The following GPATCH11 variants were observed in gnomAD, a reference collection of about 807,000 sequenced individuals.
GPATCH11 encodes G patch domain-containing protein 11.
GPATCH11 carries 32 observed loss-of-function variants against 44.8 expected under a neutral mutation model. The observed-to-expected ratio is 0.71, with a 90% CI of 0.54 to 0.96. The LOEUF (loss-of-function observed/expected upper bound fraction) is 0.96, where lower values mean the gene tolerates loss of function less well. GPATCH11 is among the 40% of genes least tolerant of loss of function. The pLI, the probability that GPATCH11 is intolerant of heterozygous loss-of-function variation, is 0.00. For missense variants in GPATCH11, 324 were observed against 303.1 expected (o/e 1.07, Z -0.51); for synonymous variants, 84 against 94.4 (o/e 0.89, Z 0.64).
chr2:37,093,945 G>A (rs1445021264), intron 6 of GPATCH11, 137 bp from the exon 7 acceptor site: 10 of 605,902 alleles, frequency 1.7e-5, no homozygotes, highest in Admixed American at 7.2e-5. Flanking sequence ...GTGAGCCACC[G>A]TGCCCGGCCA....
rs1322297819 is a variant in GPATCH11, at chr2:37,095,430, C to G, written c.655-7C>G. On this transcript the variant is annotated splice_polypyrimidine_tract_variant and splice_region_variant and intron_variant, in intron 7 of 8. Transcript: ENST00000674370. ...TAAAGTATTAATAATGTGCTTGTAT[C>G]CTATAGGTACTGGAAAAATTACAAA... is the stretch of plus-strand genomic sequence containing the variant. 1.9e-5 allele frequency: 31 copies of G among 1,599,688 alleles called. No individual in the cohort carries two copies. Among genetic ancestry groups the G allele is most frequent in the Non-Finnish European group, 2.6e-5 (31 of 1,174,588 alleles).
intron 7 of GPATCH11, 81 bp from the exon 8 acceptor site, chr2:37,095,356 G>T: frequency 6.7e-7 from 1 of 1,481,488 alleles, no homozygotes; most frequent in Non-Finnish European, 9.0e-7. Context: ...ACAGCCTTGA[G>T]CTAATTCGGC....
intron 5 of GPATCH11, 27 bp downstream of exon 5, chr2:37,092,063 G>T (rs759530316): frequency 1.2e-6 from 2 of 1,611,720 alleles, no homozygotes; most frequent in South Asian, 2.2e-5. Flanking sequence ...GCTGGTTTTG[G>T]TTCTATTTCC....
rs1232184573 is a variant in GPATCH11 at position 37,099,173 on chromosome 2, T to C, written c.*2910T>C. The C allele has an allele frequency of 6.6e-6, 1 of 152,224 alleles. No individual in the cohort carries two copies. Among genetic ancestry groups the C allele is most frequent in the East Asian group, 1.9e-4 (1 of 5,204 alleles). 9.4% of individuals were successfully genotyped at this position (152,224 alleles called of 1,614,324 possible). A position where few individuals can be genotyped will look rare whatever the true frequency, so the allele number is the denominator to read the frequency against. The stretch of plus-strand genomic sequence containing the variant: ...TAATTAAAAATCCAGAATTCTGTAG[T>C]TTCTGAAATTCAAAATAAATACTTT... On this transcript the variant is annotated 3_prime_UTR_variant, in exon 9 of 9. Coordinates refer to ENST00000674370, the MANE Select transcript of GPATCH11 (RefSeq NM_174931.4).
At chr2:37,091,362 C>T (rs1312764175) in intron 4 of GPATCH11, among the ~76,000 whole-genome samples, 1 of 150,946 alleles carries the variant, frequency 6.6e-6, no homozygotes, top group Non-Finnish European at 1.5e-5. Flanking sequence ...AATTTGAGAC[C>T]AGCCTGGGCA....
Position 37,097,865 on chromosome 2 carries a change from C to G in GPATCH11, c.*1602C>G, listed in dbSNP as rs1265531871. The G allele has an allele frequency of 2.0e-5, 3 of 152,184 alleles. No individual in the cohort carries two copies. Among genetic ancestry groups the G allele is most frequent in the African/African-American group, 7.2e-5 (3 of 41,430 alleles). 9.4% of individuals were successfully genotyped at this position (152,184 alleles called of 1,614,324 possible). On this transcript the variant is annotated 3_prime_UTR_variant, in exon 9 of 9. Transcript: ENST00000674370. ...GACTTGGGCATCACTGCCCTTGATTCTAAAATGCAGCCTACCTTGAGCCAC... is the reference window on the plus strand; with the variant it reads ...GACTTGGGCATCACTGCCCTTGATTGTAAAATGCAGCCTACCTTGAGCCAC...
At chr2:37,091,841 T>G (rs1673334877) in intron 4 of GPATCH11, 75 bp from the exon 5 acceptor site, 3 of 1,386,760 alleles carry the variant, frequency 2.2e-6, no homozygotes, top group Non-Finnish European at 3.0e-6. Context: ...TGCATTTAAT[T>G]TGTACATAGT....
At chr2:37,090,128 CAGA>C (rs999110021) in intron 3 of GPATCH11, among the ~76,000 whole-genome samples, 1 of 152,218 alleles carries the variant, frequency 6.6e-6, no homozygotes, top group Admixed American at 6.5e-5. Flanking sequence ...TGGCTTACAA[CAGA>C]AGAAGCAAAG....
rs1346489635 is a variant in GPATCH11, at chr2:37,094,185, A to T, written c.644A>T (p.Glu215Val). The part of the protein sequence containing the change: ...KEQDEDEYKS[E>V]DLSVLEKLQI... ...CAGGATGAAGATGAATATAAGAGTG[A>T]AGATTTAAGCGTATGCTTTGCACCA... is the stretch of plus-strand genomic sequence containing the variant. Residue 215 changes from glutamate (E) to valine (V), a missense_variant, in exon 7 of 9, where the codon GAA becomes GTA. Physicochemically the swap from Glu to Val is moderately radical, Grantham distance 121. Transcript: ENST00000674370. 6.5e-7 allele frequency: 1 copy of T among 1,544,038 alleles called. No homozygotes were observed. The highest frequency in any genetic ancestry group is 8.8e-7 in the Non-Finnish European group (1 of 1,137,468).
At chr2:37,085,157 G>A (rs1672939072) in intron 1 of GPATCH11, among the ~76,000 whole-genome samples, 1 of 152,210 alleles carries the variant, frequency 6.6e-6, no homozygotes, top group Admixed American at 6.5e-5. Flanking sequence ...CCAATAGAAA[G>A]AGAGCTTTAA....
rs1673531506 is a variant in GPATCH11, at chr2:37,095,497, T to G, written c.715T>G (p.Trp239Gly). The G allele has an allele frequency of 1.2e-6, 2 of 1,605,180 alleles. No homozygotes were observed. The highest frequency in any genetic ancestry group is 1.7e-4 in the Middle Eastern group (1 of 6,036). The change falls in exon 8 of 9, where the codon TGG (tryptophan) becomes GGG (glycine). Residue 239 changes from tryptophan (W) to glycine (G), a missense_variant. Coordinates refer to ENST00000674370, the MANE Select transcript of GPATCH11 (RefSeq NM_174931.4). ...YLREEHLYCIWCGTAYEDKED... is the reference protein window; with the variant it reads ...YLREEHLYCIGCGTAYEDKED... ...AAGAGAAGAACATCTATATTGTATT[T>G]GGTGTGGAACAGCCTATGAAGGTAA...
At position 37,096,588 on chromosome 2, in the gene GPATCH11, CAG is replaced by C. The variant is rs1673596224; in HGVS notation, c.*328_*329del. ...AAATTGAGAAATAAGAAATGGGAGT[CAG>C]AGGAAGAGAAAAATATCCACTTTAT... is the stretch of plus-strand genomic sequence containing the variant. On this transcript the variant is annotated 3_prime_UTR_variant, in exon 9 of 9. Coordinates refer to ENST00000674370, the MANE Select transcript of GPATCH11 (RefSeq NM_174931.4). 4.1e-6 allele frequency: 1 copy of C among 244,864 alleles called. No homozygotes were observed. Among genetic ancestry groups the C allele is most frequent in the Admixed American group, 5.7e-5 (1 of 17,398 alleles). 15.2% of individuals were successfully genotyped at this position (244,864 alleles called of 1,614,324 possible).
intron 3 of GPATCH11, 82 bp from the exon 4 acceptor site, chr2:37,090,599 G>T (rs1673268893): frequency 1.4e-6 from 1 of 703,934 alleles, no homozygotes; most frequent in Non-Finnish European, 2.5e-6. Flanking sequence ...CATATGCATA[G>T]AGCATTGTAA....
chr2:37,088,966 C>T (rs1673176452), intron 2 of GPATCH11, among the ~76,000 whole-genome samples: 2 of 152,322 alleles, frequency 1.3e-5, no homozygotes, highest in South Asian at 2.1e-4. Context: ...CTTTTTATTG[C>T]CTTCTTCCAA....
intron 2 of GPATCH11, 108 bp downstream of exon 2, chr2:37,088,548 T>A (rs1167659571): frequency 4.9e-6 from 3 of 610,884 alleles, no homozygotes; most frequent in East Asian, 6.0e-5. Context: ...CAGGGTCTCA[T>A]TCTGTTAGCA....
chr2:37,084,883 C>G (rs1463113703), intron 1 of GPATCH11, among the ~76,000 whole-genome samples: 14 of 152,214 alleles, frequency 9.2e-5, no homozygotes, highest in Admixed American at 9.2e-4. Context: ...AAACCTACTC[C>G]TACAGTCTTC....
At position 37,091,964 on chromosome 2, in the gene GPATCH11, A is replaced by G; in HGVS notation, c.377A>G (p.Glu126Gly). 6.2e-7 allele frequency: 1 copy of G among 1,613,132 alleles called. No individual in the cohort carries two copies. Among genetic ancestry groups the G allele is most frequent in the African/African-American group, 1.3e-5 (1 of 75,012 alleles). ...GCATCATTAAAACGGAAAGCAGAGG[A>G]AAAATTGGAAAGCTACAGAAAAAAG... ...HEASLKRKAEEKLESYRKKIH... is the reference protein window; with the variant it reads ...HEASLKRKAEGKLESYRKKIH... The change falls in exon 5 of 9, where the codon GAA becomes GGA. Residue 126 changes from glutamate to glycine, a missense_variant. By Grantham distance (98) the Glu-to-Gly change is moderately conservative. Coordinates refer to ENST00000674370, the MANE Select transcript of GPATCH11 (RefSeq NM_174931.4).
At chr2:37,086,463 G>T (rs1413895268) in intron 1 of GPATCH11, among the ~76,000 whole-genome samples, 1 of 152,180 alleles carries the variant, frequency 6.6e-6, no homozygotes, top group Non-Finnish European at 1.5e-5. Flanking sequence ...TTTAACACAA[G>T]ATATACATTA....
At chr2:37,095,364 G>A (rs1009538713) in intron 7 of GPATCH11, 73 bp from the exon 8 acceptor site, 6 of 1,502,808 alleles carry the variant, frequency 4.0e-6, no homozygotes, top group Middle Eastern at 1.8e-4. Flanking sequence ...GAGCTAATTC[G>A]GCACGATCTA....
Sources: gnomAD v4.1 joint callset for allele counts (sites outside exome capture counted in the v4.1 genomes callset) on GRCh38, gnomAD v4.1.1 for gene constraint, MANE v1.5 for transcripts, NCBI Gene and HGNC (gene_info 2026-07-23, HGNC 2026-07-21) for gene names.